FHIT: variants seen among roughly 807,000 people sequenced by gnomAD.
The protein encoded by FHIT is fragile histidine triad diadenosine triphosphatase.
Under a neutral mutation model 17.9 loss-of-function variants are expected in FHIT, and 19 were observed. That is an observed-to-expected ratio of 1.06 (90% CI 0.74 to 1.56). The LOEUF (loss-of-function observed/expected upper bound fraction) is 1.56. FHIT is among the 40% of genes most tolerant of loss of function. The pLI is 0.00. For synonymous variants in FHIT, 81 were observed against 69.7 expected (o/e 1.16, Z -0.81); for missense variants, 248 against 189.2 (o/e 1.31, Z -1.82).
chr3:60,715,866 T>C lies in FHIT; in HGVS notation c.-18+106053A>G, dbSNP rs782536322. Among the ~76,000 whole-genome samples, 176 of 152,202 alleles carry C rather than the reference T, an allele frequency of 1.2e-3. 1 individual carries two copies. The highest frequency in any genetic ancestry group is 1.7e-3 in the Non-Finnish European group (117 of 67,998). Reference sequence around the variant, plus strand: ...AAAGAGCAACTTAGTATTACAGTAATATAGTTTCGACCTTGCAGACTCCCT... The same window carrying C: ...AAAGAGCAACTTAGTATTACAGTAACATAGTTTCGACCTTGCAGACTCCCT... On this transcript the variant is annotated intron_variant, in intron 4 of 9. Coordinates refer to ENST00000492590, the MANE Select transcript of FHIT (RefSeq NM_002012.4).
intron 4 of FHIT, among the ~76,000 whole-genome samples, chr3:60,611,955 G>A (rs1305150009): frequency 2.0e-5 from 3 of 152,100 alleles, no homozygotes; most frequent in African/African-American, 7.2e-5. Context: ...CCTGCAGAGG[G>A]TCCTGATACT....
intron 8 of FHIT, among the ~76,000 whole-genome samples, chr3:59,869,121 A>G (rs1305140536): frequency 6.6e-6 from 1 of 152,206 alleles, no homozygotes; most frequent in Non-Finnish European, 1.5e-5. Flanking sequence ...TTATACTAGC[A>G]GACAGAAACA....
At chr3:60,860,253 T>C (rs1209940231) in intron 3 of FHIT, among the ~76,000 whole-genome samples, 1 of 144,206 alleles carries the variant, frequency 6.9e-6, no homozygotes, top group African/African-American at 2.5e-5. Context: ...ATACATGAGA[T>C]ACATCATATG....
chr3:60,888,688 A>C (rs561844179), intron 3 of FHIT, among the ~76,000 whole-genome samples: 1 of 152,338 alleles, frequency 6.6e-6, no homozygotes, highest in Non-Finnish European at 1.5e-5. Flanking sequence ...TTAAGATATT[A>C]CTTGATTACA....
At chr3:59,793,913 C>G (rs1305043723) in intron 8 of FHIT, among the ~76,000 whole-genome samples, 3 of 152,146 alleles carry the variant, frequency 2.0e-5, no homozygotes, top group Non-Finnish European at 2.9e-5. Context: ...TTAGCTAAGG[C>G]CCGGCCCATG....
At chr3:61,161,663 G>A (rs2037699306) in intron 2 of FHIT, among the ~76,000 whole-genome samples, 1 of 152,086 alleles carries the variant, frequency 6.6e-6, no homozygotes, top group South Asian at 2.1e-4. Flanking sequence ...TTATTCTACT[G>A]GCCAGCGTTC....
intron 5 of FHIT, among the ~76,000 whole-genome samples, chr3:60,156,333 G>C (rs1196806798): frequency 6.7e-6 from 1 of 149,880 alleles, no homozygotes; most frequent in East Asian, 2.0e-4. Context: ...CTGGGTGACA[G>C]AGTGAGACTC....
At chr3:60,093,907 T>C (rs1703834254) in intron 5 of FHIT, among the ~76,000 whole-genome samples, 1 of 152,122 alleles carries the variant, frequency 6.6e-6, no homozygotes, top group Admixed American at 6.5e-5. Flanking sequence ...GCATCAATGT[T>C]TCAAATTTAC....
rs77577393 is a variant in FHIT, at chr3:61,247,147, G to C, written c.-213+4154C>G. ...TGCAGTGCCTGGAACAGAGCTAGGA[G>C]CAAGATAAATGTGCTGAATAAAAAT... On this transcript the variant is annotated intron_variant, in intron 1 of 9. Transcript: ENST00000492590. 7.8e-3 allele frequency among the ~76,000 whole-genome samples: 1,187 copies of C among 152,244 alleles called. 19 individuals are homozygous for C. The highest frequency in any genetic ancestry group is 0.027 in the African/African-American group (1,118 of 41,532).
intron 1 of FHIT, among the ~76,000 whole-genome samples, chr3:61,225,258 G>A (rs2039940657): frequency 6.6e-6 from 1 of 152,186 alleles, no homozygotes; most frequent in African/African-American, 2.4e-5. Context: ...TTTTTATGGA[G>A]TTGCTATGAG....
intron 5 of FHIT, among the ~76,000 whole-genome samples, chr3:60,336,552 C>T (rs1189658675): frequency 2.0e-5 from 3 of 152,168 alleles, no homozygotes; most frequent in African/African-American, 7.2e-5. Context: ...ATCACCTCAG[C>T]TGCCAAAATC....
At chr3:60,912,887 C>CA in intron 3 of FHIT, 1 of 435,060 alleles carries the variant, frequency 2.3e-6, no homozygotes, top group Non-Finnish European at 4.4e-6. Flanking sequence ...TGGGTACTTC[C>CA]ATGTGTATGT....
At chr3:59,831,596 T>A (rs1266638969) in intron 8 of FHIT, among the ~76,000 whole-genome samples, 1 of 152,082 alleles carries the variant, frequency 6.6e-6, no homozygotes, top group Non-Finnish European at 1.5e-5. Context: ...CTTAGCCTCA[T>A]GCGATAAGAC....
At chr3:60,607,423 T>C (rs974938338) in intron 4 of FHIT, among the ~76,000 whole-genome samples, 27 of 151,720 alleles carry the variant, frequency 1.8e-4, no homozygotes, top group African/African-American at 5.6e-4. Flanking sequence ...TTTAGGATGA[T>C]AAGGATTTAT....
chr3:60,084,369 T>TGGGA (rs1703413029), intron 5 of FHIT, among the ~76,000 whole-genome samples: 1 of 152,158 alleles, frequency 6.6e-6, no homozygotes, highest in Non-Finnish European at 1.5e-5. Flanking sequence ...ACCTAAGCTT[T>TGGGA]ACAGAGGTGC....
chr3:59,903,486 G>A (rs1267277349), intron 8 of FHIT, among the ~76,000 whole-genome samples: 1 of 152,182 alleles, frequency 6.6e-6, no homozygotes, highest in Non-Finnish European at 1.5e-5. Flanking sequence ...TTAGCTTCAT[G>A]TCTGAGACAA....
intron 5 of FHIT, among the ~76,000 whole-genome samples, chr3:60,468,063 T>C (rs1289652740): frequency 1.3e-5 from 2 of 152,166 alleles, no homozygotes; most frequent in Non-Finnish European, 2.9e-5. Context: ...TCTCTTACCA[T>C]AGTTTTTGTC....
chr3:59,797,888 G>A (rs1312826480), intron 8 of FHIT, among the ~76,000 whole-genome samples: 1 of 152,166 alleles, frequency 6.6e-6, no homozygotes, highest in Non-Finnish European at 1.5e-5. Flanking sequence ...TAAAACAAAT[G>A]AAAATCGTTA....
chr3:60,940,269 A>T (rs1000815584), intron 3 of FHIT, among the ~76,000 whole-genome samples: 1 of 152,144 alleles, frequency 6.6e-6, no homozygotes, highest in South Asian at 2.1e-4. Context: ...TGTAAATCAC[A>T]AGCTCACGTG....
Sources: allele counts gnomAD v4.1 joint callset (sites outside exome capture counted in the v4.1 genomes callset), GRCh38; gene constraint gnomAD v4.1.1; transcripts MANE v1.5; gene names NCBI Gene and HGNC (gene_info 2026-07-23, HGNC 2026-07-21).